The following TMF1 variants were observed in gnomAD, a reference collection of about 807,000 sequenced individuals.
TMF1 encodes TATA element modulatory factor 1, also known as TATA element modulatory factor.
TMF1 carries 71 observed loss-of-function variants against 126.5 expected under a neutral mutation model. The ratio of observed to expected loss-of-function variants is 0.56; its 90% confidence interval spans 0.46 to 0.68. TMF1 has a LOEUF of 0.68. Ranked by LOEUF, TMF1 falls within the 30% of genes least tolerant of loss-of-function variation. The pLI is 0.00. For synonymous variants in TMF1, 461 were observed against 430.5 expected, an observed-to-expected ratio of 1.07 and a Z score of -0.88; for missense variants, 1,259 against 1,253.2, an observed-to-expected ratio of 1.00 and a Z score of -0.07.
At chr3:69,048,713 T>G (rs896175743) in intron 1 of TMF1, 151 bp from the exon 2 acceptor site, 5 of 694,184 alleles carry the variant, frequency 7.2e-6, no homozygotes, top group Non-Finnish European at 1.1e-5. Flanking sequence ...GCTTACTACA[T>G]CATTAAGTAG....
chr3:69,028,018 A>G, intron 12 of TMF1, 26 bp from the exon 13 acceptor site: 1 of 1,360,372 alleles, frequency 7.4e-7, no homozygotes, highest in African/African-American at 1.4e-5. Flanking sequence ...AAAGTTAGAC[A>G]ATTTCTGTGA....
chr3:69,046,815 A>G (rs1330764274), intron 2 of TMF1, among the ~76,000 whole-genome samples: 1 of 152,200 alleles, frequency 6.6e-6, no homozygotes, highest in Non-Finnish European at 1.5e-5. Context: ...ATAAGCAGAA[A>G]ACAAACTGAA....
rs755851674 is a variant in TMF1, at chr3:69,035,084, G to A, written c.2183C>T (p.Thr728Ile). 3.1e-6 allele frequency: 5 copies of A among 1,614,114 alleles called. No individual in the cohort carries two copies. Among genetic ancestry groups the A allele is most frequent in the Non-Finnish European group, 4.2e-6 (5 of 1,180,012 alleles). Reference sequence around the variant, plus strand: ...CTCCTTTCTGGCAGCCGCTTGTTCTGTACGCTGCAATGCAAGCCTAAGGTC... The same window carrying A: ...CTCCTTTCTGGCAGCCGCTTGTTCTATACGCTGCAATGCAAGCCTAAGGTC... ...VGDLRLALQR[T>I]EQAAARKEDY... Residue 728 changes from threonine to isoleucine, a missense_variant, in exon 9 of 17, where the codon ACA becomes ATA. Coordinates refer to ENST00000398559, the MANE Select transcript of TMF1 (RefSeq NM_007114.3).
rs1314563678 is a variant in TMF1, at chr3:69,052,186, C to G, written c.-100G>C. 2 of 1,355,124 alleles carry G rather than the reference C, an allele frequency of 1.5e-6. No individual in the cohort carries two copies. The highest frequency in any genetic ancestry group is 2.5e-5 in the East Asian group (1 of 39,500). 83.9% of individuals were successfully genotyped at this position (1,355,124 alleles called of 1,614,324 possible). ...AACGGCTTCGCTCCCCTTTTCCACT[C>G]GGCTGGTTCTGTCAGCGTGTGGCCA... On this transcript the variant is annotated 5_prime_UTR_variant, in exon 1 of 17. Transcript: ENST00000398559.
At position 69,029,823 on chromosome 3, in the gene TMF1, C is replaced by G. The variant is rs2091789612; in HGVS notation, c.2586G>C (p.Glu862Asp). ...TCAGAAACCATGCTCACCTATTGTT[C>G]TCATCCTCCAGTTTACACAGCCTAT... ...EKNRLCKLED[E>D]NNRYQVELEN... The change falls in exon 11 of 17, where the codon GAG becomes GAC. Residue 862 changes from glutamate to aspartate, a missense_variant. Coordinates refer to ENST00000398559, the MANE Select transcript of TMF1 (RefSeq NM_007114.3). 8.1e-6 allele frequency: 13 copies of G among 1,609,226 alleles called. No individual in the cohort carries two copies. The highest frequency in any genetic ancestry group is 1.1e-5 in the Non-Finnish European group (13 of 1,178,000).
intron 5 of TMF1, among the ~76,000 whole-genome samples, chr3:69,041,079 C>G (rs925527188): frequency 6.6e-6 from 1 of 151,314 alleles, no homozygotes; most frequent in African/African-American, 2.5e-5. Context: ...TCAGTTCATT[C>G]TCTGACAAAA....
At chr3:69,032,214 G>A (rs1329684015) in intron 10 of TMF1, among the ~76,000 whole-genome samples, 3 of 152,048 alleles carry the variant, frequency 2.0e-5, no homozygotes, top group Non-Finnish European at 4.4e-5. Flanking sequence ...AGCCCCAAAG[G>A]TATCTAAGAG....
chr3:69,029,820 G>A lies in TMF1; in HGVS notation c.2589C>T (p.Asn863=), dbSNP rs1285087056. The A allele has an allele frequency of 6.2e-7, 1 of 1,608,934 alleles. No individual in the cohort carries two copies. The highest frequency in any genetic ancestry group is 2.2e-5 in the East Asian group (1 of 44,812). Residue 863 remains asparagine (N), a synonymous_variant, in exon 11 of 17, where the codon AAC becomes AAT. Transcript: ENST00000398559. ...KNRLCKLEDE[N]NRYQVELENL... is the part of the protein sequence containing the mutation. Reference sequence around the variant, plus strand: ...CACTCAGAAACCATGCTCACCTATTGTTCTCATCCTCCAGTTTACACAGCC... The same window carrying A: ...CACTCAGAAACCATGCTCACCTATTATTCTCATCCTCCAGTTTACACAGCC...
At position 69,051,860 on chromosome 3, in the gene TMF1, G is replaced by A. The variant is rs567830712; in HGVS notation, c.142+85C>T. The A allele has an allele frequency of 4.8e-5, 69 of 1,441,494 alleles. 2 individuals carry two copies. The South Asian group carries it at 9.3e-4, about 19-fold the overall frequency. The allele number at this position is 1,441,494 out of a possible 1,614,324, so 89.3% of individuals were successfully genotyped here. A position where few individuals can be genotyped will look rare whatever the true frequency, so the allele number is the denominator to read the frequency against. ...CCTGAAAACTCTCTCAGCAAGGAAG[G>A]ACCCCTCTCTACACCACTTAACCTG... On this transcript the variant is annotated intron_variant, in intron 1 of 16. Coordinates refer to ENST00000398559, the MANE Select transcript of TMF1 (RefSeq NM_007114.3).
intron 8 of TMF1, among the ~76,000 whole-genome samples, chr3:69,036,555 T>C (rs1413318661): frequency 6.6e-6 from 1 of 152,138 alleles, no homozygotes; most frequent in Admixed American, 6.5e-5. Context: ...ATTTTGCCAA[T>C]AGAAACACTG....
chr3:69,029,720 C>A, intron 11 of TMF1, 95 bp downstream of exon 11: 1 of 1,213,244 alleles, frequency 8.2e-7, no homozygotes, highest in Non-Finnish European at 1.1e-6. Context: ...GGATTACAGG[C>A]GTGAGCCACG....
At position 69,035,121 on chromosome 3, in the gene TMF1, G is replaced by T. The variant is rs777276833; in HGVS notation, c.2152-6C>A. 1 of 1,612,032 alleles carries T rather than the reference G, an allele frequency of 6.2e-7. No individual in the cohort carries two copies. On this transcript the variant is annotated splice_region_variant and splice_polypyrimidine_tract_variant and intron_variant, in intron 8 of 16. Transcript: ENST00000398559. ...GCAAGCCTAAGGTCCCCCACCTGTA[G>T]GAGGAGAAACAATACATTCACAAAC...
chr3:69,048,135 T>A lies in TMF1; in HGVS notation c.570A>T (p.Pro190=). Residue 190 remains proline, a synonymous_variant, in exon 2 of 17, where the codon CCA becomes CCT. Coordinates refer to ENST00000398559, the MANE Select transcript of TMF1 (RefSeq NM_007114.3). The stretch of plus-strand genomic sequence containing the variant: ...TTTCAGATACTTTCAAACTTACAGT[T>A]GGCACCTTCATATCCGATTCTTTAT... ...TVNKESDMKV[P]TVSLKVSESV... The A allele has an allele frequency of 6.2e-7, 1 of 1,614,242 alleles. No individual in the cohort carries two copies. The highest frequency in any genetic ancestry group is 8.5e-7 in the Non-Finnish European group (1 of 1,180,046).
chr3:69,049,857 G>C (rs530684331), intron 1 of TMF1, among the ~76,000 whole-genome samples: 7 of 152,190 alleles, frequency 4.6e-5, no homozygotes, highest in African/African-American at 1.7e-4. Flanking sequence ...ATTAAAATGT[G>C]GCTGAACAAA....
At position 69,033,690 on chromosome 3, in the gene TMF1, T is replaced by G; in HGVS notation, c.2259A>C (p.Ala753=). ...GACTCAGTTCCTGGTTTCGATTCTCTGCTTCCTGGAGTCTCTGAATCATGA... is the reference window on the plus strand; with the variant it reads ...GACTCAGTTCCTGGTTTCGATTCTCGGCTTCCTGGAGTCTCTGAATCATGA... ...IGELQQRLQE[A]ENRNQELSQS... Residue 753 remains alanine, a synonymous_variant, in exon 10 of 17, where the codon GCA becomes GCC. Coordinates refer to ENST00000398559, the MANE Select transcript of TMF1 (RefSeq NM_007114.3). The G allele has an allele frequency of 6.2e-7, 1 of 1,611,862 alleles. No homozygotes were observed. The highest frequency in any genetic ancestry group is 8.5e-7 in the Non-Finnish European group (1 of 1,179,332).
intron 5 of TMF1, among the ~76,000 whole-genome samples, chr3:69,041,895 TAAAAA>T (rs2091866894): frequency 6.6e-6 from 1 of 152,034 alleles, no homozygotes; most frequent in Non-Finnish European, 1.5e-5. Flanking sequence ...ACAAGAGAAA[TAAAAA>T]GAGAGATTCA....
chr3:69,033,515 T>G, intron 10 of TMF1, 33 bp downstream of exon 10: 1 of 1,593,372 alleles, frequency 6.3e-7, no homozygotes, highest in Non-Finnish European at 8.5e-7. Context: ...ATGGAAGAGC[T>G]TCTGCATCGA....
intron 8 of TMF1, among the ~76,000 whole-genome samples, chr3:69,037,645 A>C (rs2091839941): frequency 6.6e-6 from 1 of 152,034 alleles, no homozygotes; most frequent in Non-Finnish European, 1.5e-5. Context: ...TCTGTCTCAC[A>C]AAAAAAGAAA....
intron 8 of TMF1, 97 bp from the exon 9 acceptor site, chr3:69,035,212 T>G: frequency 3.1e-6 from 3 of 981,496 alleles, no homozygotes. Flanking sequence ...ACATTGTTCA[T>G]GTATACTATT....
Sources: gnomAD v4.1 joint callset for allele counts (sites outside exome capture counted in the v4.1 genomes callset) on GRCh38, gnomAD v4.1.1 for gene constraint, MANE v1.5 for transcripts, NCBI Gene and HGNC (gene_info 2026-07-23, HGNC 2026-07-21) for gene names.